Variants in PTPRN2 observed in about 807,000 individuals in gnomAD.
PTPRN2 encodes receptor-type tyrosine-protein phosphatase N2.
PTPRN2 carries 74 observed loss-of-function variants against 118.8 expected under a neutral mutation model. That is an observed-to-expected ratio of 0.62 (90% CI 0.52 to 0.76). The LOEUF is 0.76. PTPRN2 is among the 30% of genes least tolerant of loss of function. The pLI, the probability that PTPRN2 is intolerant of heterozygous loss-of-function variation, is 0.00. For synonymous variants in PTPRN2, 641 were observed against 608.0 expected (o/e 1.05, Z -0.80); for missense variants, 1,481 against 1,394.4 (o/e 1.06, Z -0.99).
intron 12 of PTPRN2, among the ~76,000 whole-genome samples, chr7:157,766,987 C>T (rs1285010206): frequency 6.6e-6 from 1 of 152,200 alleles, no homozygotes; most frequent in Non-Finnish European, 1.5e-5. Context: ...GGCTTGTCCC[C>T]CTCTGGACAC....
intron 14 of PTPRN2, among the ~76,000 whole-genome samples, chr7:157,624,629 T>C (rs970200312): frequency 1.3e-5 from 2 of 152,220 alleles, no homozygotes; most frequent in African/African-American, 4.8e-5. Flanking sequence ...GTTGCATGGG[T>C]ACTTGAAGTT....
chr7:157,815,128 G>A (rs1420677213), intron 12 of PTPRN2, among the ~76,000 whole-genome samples: 1 of 152,248 alleles, frequency 6.6e-6, no homozygotes, highest in African/African-American at 2.4e-5. Flanking sequence ...GGGCCTGCAT[G>A]ACCGGTTTCC....
intron 11 of PTPRN2, among the ~76,000 whole-genome samples, chr7:157,949,298 C>A (rs1309748264): frequency 6.6e-6 from 1 of 152,166 alleles, no homozygotes; most frequent in African/African-American, 2.4e-5. Context: ...GTACCAAGTG[C>A]CACTGAATTG....
At chr7:158,355,775 C>A (rs945548011) in intron 2 of PTPRN2, among the ~76,000 whole-genome samples, 1 of 152,216 alleles carries the variant, frequency 6.6e-6, no homozygotes, top group African/African-American at 2.4e-5. Context: ...AAGGAAGCAT[C>A]CAGGGAACGC....
At chr7:157,572,666 T>C (rs937208218) in intron 19 of PTPRN2, among the ~76,000 whole-genome samples, 2 of 143,132 alleles carry the variant, frequency 1.4e-5, no homozygotes, top group Admixed American at 7.1e-5. Flanking sequence ...CTGATGGGAG[T>C]GTGAATGCCC....
At chr7:157,542,479 G>A (rs7781322) in intron 22 of PTPRN2, among the ~76,000 whole-genome samples, 1 of 151,168 alleles carries the variant, frequency 6.6e-6, no homozygotes, top group Admixed American at 6.5e-5. Flanking sequence ...CCATCATGCA[G>A]TGGAGGCTGG....
At chr7:157,925,121 G>A (rs2128773099) in intron 11 of PTPRN2, among the ~76,000 whole-genome samples, 1 of 126,476 alleles carries the variant, frequency 7.9e-6, no homozygotes, top group East Asian at 2.3e-4. Flanking sequence ...TTATTGAAGT[G>A]TAGTCAGGAT....
At chr7:158,276,885 G>A (rs1013205446) in intron 3 of PTPRN2, among the ~76,000 whole-genome samples, 1 of 152,192 alleles carries the variant, frequency 6.6e-6, no homozygotes, top group Admixed American at 6.5e-5. Context: ...ACTGTGAGCT[G>A]GGGCCGAGGG....
At chr7:157,714,833 G>A (rs936871541) in intron 12 of PTPRN2, among the ~76,000 whole-genome samples, 8 of 150,898 alleles carry the variant, frequency 5.3e-5, no homozygotes, top group Non-Finnish European at 7.4e-5. Context: ...CCTGGGGAAC[G>A]GCACTGAGCT....
chr7:158,469,285 A>G (rs1819668659), intron 2 of PTPRN2, among the ~76,000 whole-genome samples: 1 of 152,198 alleles, frequency 6.6e-6, no homozygotes, highest in Non-Finnish European at 1.5e-5. Context: ...CTACTAAAAT[A>G]CAAAAATGAG....
chr7:158,010,405 G>A (rs143393729), intron 11 of PTPRN2, among the ~76,000 whole-genome samples: 134 of 152,256 alleles, frequency 8.8e-4, no homozygotes, highest in Middle Eastern at 6.8e-3. Context: ...TTCCCAGTGG[G>A]GTACACACTA....
chr7:157,685,019 G>A (rs558374337), intron 12 of PTPRN2, among the ~76,000 whole-genome samples: 133 of 151,958 alleles, frequency 8.8e-4, no homozygotes, highest in Admixed American at 1.6e-3. Flanking sequence ...CGCGTCCCCC[G>A]GAGCCATACC....
chr7:158,133,555 T>G (rs1818548657), intron 9 of PTPRN2, 122 bp downstream of exon 9: 1 of 1,364,530 alleles, frequency 7.3e-7, no homozygotes, highest in South Asian at 1.6e-5. Flanking sequence ...CTGCACCCCA[T>G]TATTCAGTTG....
chr7:158,362,638 A>G (rs1809080328), intron 2 of PTPRN2, among the ~76,000 whole-genome samples: 1 of 152,208 alleles, frequency 6.6e-6, no homozygotes, highest in Admixed American at 6.5e-5. Flanking sequence ...TTTCTCTGCT[A>G]AAGATATATT....
intron 11 of PTPRN2, among the ~76,000 whole-genome samples, chr7:158,005,363 C>T (rs557148636): frequency 3.9e-5 from 6 of 152,206 alleles, no homozygotes; most frequent in South Asian, 4.2e-4. Context: ...CGTGAGCCAC[C>T]GCACCCAGTC....
chr7:158,521,574 A>G (rs368185255), intron 1 of PTPRN2, among the ~76,000 whole-genome samples: 15,245 of 101,546 alleles, frequency 0.15, 3,863 homozygotes, highest in African/African-American at 0.3. Flanking sequence ...GTACTGGCTC[A>G]GGGGGGAGGT....
chr7:157,564,932 C>A (rs1164770901), intron 21 of PTPRN2, among the ~76,000 whole-genome samples: 1 of 152,238 alleles, frequency 6.6e-6, no homozygotes, highest in African/African-American at 2.4e-5. Flanking sequence ...AATGAATCCA[C>A]AAAGTGCGGT....
At chr7:158,327,548 C>CTGTTCT (rs1186801560) in intron 2 of PTPRN2, among the ~76,000 whole-genome samples, 3 of 146,310 alleles carry the variant, frequency 2.1e-5, no homozygotes, top group Non-Finnish European at 4.4e-5. Flanking sequence ...TACACACTAT[C>CTGTTCT]TGTTCTCACA....
At chr7:157,765,149 TCCATCCATCCTTCTTTTATCCATCCAA>T (rs1802375651) in intron 12 of PTPRN2, among the ~76,000 whole-genome samples, 1 of 149,534 alleles carries the variant, frequency 6.7e-6, no homozygotes, top group South Asian at 2.2e-4. Flanking sequence ...CCTTCATCCA[TCCATCCATCCTTCTTTTATCCATCCAA>T]CCATCCATCC....
Sources: gnomAD v4.1 joint callset for allele counts (sites outside exome capture counted in the v4.1 genomes callset) on GRCh38, gnomAD v4.1.1 for gene constraint, MANE v1.5 for transcripts, NCBI Gene and HGNC (gene_info 2026-07-23, HGNC 2026-07-21) for gene names.